HGS: variants seen among roughly 807,000 people sequenced by gnomAD.
The protein encoded by HGS is human growth factor-regulated tyrosine kinase substrate.
HGS carries 63 observed loss-of-function variants against 109.7 expected under a neutral mutation model. The observed-to-expected ratio is 0.57, with a 90% CI of 0.47 to 0.71. The LOEUF is 0.71. HGS is among the 30% of genes least tolerant of loss of function. The probability of loss-of-function intolerance (pLI) is 0.00; values close to 1 mark genes in which losing one functional copy is unlikely to be tolerated. For missense variants in HGS, 995 were observed against 1,068.3 expected (o/e 0.93, Z 0.96); for synonymous variants, 546 against 437.3 (o/e 1.25, Z -3.10).
rs1345030290 is a variant in HGS, at chr17:81,691,259, G to A, written c.538-188G>A. 2.4e-5 allele frequency: 16 copies of A among 655,258 alleles called. No homozygotes were observed. The highest frequency in any genetic ancestry group is 9.4e-5 in the South Asian group (5 of 53,464). The allele number at this position is 655,258 out of a possible 1,614,324, so 40.6% of individuals were successfully genotyped here. The stretch of plus-strand genomic sequence containing the variant: ...TATTTTCCCCAAAACGGTGGCTGGC[G>A]TTGAGACTCCCGGGAGCATGTCCAG... On this transcript the variant is annotated intron_variant, in intron 7 of 21. Coordinates refer to ENST00000329138, the MANE Select transcript of HGS (RefSeq NM_004712.5). This position sits in a 1 kb window ranked among gnomAD's most constrained non-coding sequence, Gnocchi z 5.3.
At chr17:81,685,203 G>A (rs2036956628) in intron 1 of HGS, 2 of 357,992 alleles carry the variant, frequency 5.6e-6, no homozygotes, top group South Asian at 1.1e-4. Context: ...TTGAAACCGG[G>A]AGCATCTGGG....
Position 81,695,778 on chromosome 17 carries a change from GC to G in HGS, c.1180-6del, listed in dbSNP as rs753970065. 128 of 1,612,972 alleles carry G rather than the reference GC, an allele frequency of 7.9e-5. No homozygotes were observed. The highest frequency in any genetic ancestry group is 1.1e-4 in the Non-Finnish European group (124 of 1,179,972). The stretch of plus-strand genomic sequence containing the variant: ...CCGCACTCATCCAGAACCCTGCTCT[GC>G]CTGCAGCCACAGTTCCACAATGGCG... On this transcript the variant is annotated splice_polypyrimidine_tract_variant and splice_region_variant and intron_variant, in intron 14 of 21. Transcript: ENST00000329138.
At chr17:81,692,834 A>C (rs910426851) in intron 8 of HGS, 1 of 151,966 alleles carries the variant, frequency 6.6e-6, no homozygotes, top group Non-Finnish European at 1.5e-5. Flanking sequence ...AGTATTTTAT[A>C]CTTAAAATTT....
chr17:81,688,482 G>A (rs779292967), intron 4 of HGS, among the ~76,000 whole-genome samples: 1 of 152,212 alleles, frequency 6.6e-6, no homozygotes, highest in Non-Finnish European at 1.5e-5. Context: ...ACAGAGACGC[G>A]GCGTTGTTTG....
chr17:81,687,216 C>T (rs948579695), intron 4 of HGS, 121 bp downstream of exon 4: 22 of 703,876 alleles, frequency 3.1e-5, no homozygotes, highest in African/African-American at 1.0e-4. Flanking sequence ...AGGTGCAGAT[C>T]GGTGGTCCCT....
chr17:81,695,175 G>A lies in HGS; in HGVS notation c.1131G>A (p.Pro377=), dbSNP rs2037125918. The A allele has an allele frequency of 6.8e-6, 11 of 1,614,172 alleles. No individual in the cohort carries two copies. The highest frequency in any genetic ancestry group is 2.2e-5 in the East Asian group (1 of 44,884). ...APTNVVENPL[P]ETDSQPIPPS... ...TCTCTCTCTTCCAGAACCCCCTCCC[G>A]GAGACAGACTCTCAGCCCATTCCTC... Residue 377 remains proline (P), a synonymous_variant, in exon 14 of 22, where the codon CCG becomes CCA. Coordinates refer to ENST00000329138, the MANE Select transcript of HGS (RefSeq NM_004712.5).
intron 20 of HGS, 65 bp downstream of exon 20, chr17:81,700,879 C>A: frequency 6.3e-7 from 1 of 1,581,782 alleles, no homozygotes; most frequent in Non-Finnish European, 8.6e-7. Context: ...GCTGAGGGTC[C>A]TTTGGTGAGG....
intron 15 of HGS, 72 bp downstream of exon 15, chr17:81,696,071 C>G (rs953751959): frequency 5.2e-6 from 7 of 1,339,864 alleles, no homozygotes; most frequent in South Asian, 1.4e-5. Flanking sequence ...GGGCCAGGGC[C>G]TCCCCTGAGG....
chr17:81,694,886 G>A, intron 12 of HGS, 33 bp downstream of exon 12: 4 of 1,614,248 alleles, frequency 2.5e-6, no homozygotes, highest in Non-Finnish European at 3.4e-6. Flanking sequence ...TCCTCTCACG[G>A]TTTCTGGCCT....
intron 18 of HGS, chr17:81,697,224 G>T (rs889103186): frequency 4.0e-6 from 2 of 495,204 alleles, no homozygotes; most frequent in Admixed American, 7.2e-5. Flanking sequence ...CCCTGAATGC[G>T]ACAGCGAGCA....
In HGS at chr17:81,690,721, G is replaced by T. The variant is rs770753093; in HGVS notation, c.516G>T (p.Gln172His). ...AGGAATGCCACCGCTGCAGGGTGCA[G>T]TTCGGGGTGATGACCCGTAAGGTGA... Reference protein sequence around the residue: ...DAEECHRCRVQFGVMTRKHHC... With the variant: ...DAEECHRCRVHFGVMTRKHHC... Residue 172 changes from glutamine to histidine, a missense_variant, in exon 7 of 22, where the codon CAG (glutamine) becomes CAT (histidine). Transcript: ENST00000329138. The T allele has an allele frequency of 6.2e-7, 1 of 1,613,226 alleles. No individual in the cohort carries two copies. The highest frequency in any genetic ancestry group is 8.5e-7 in the Non-Finnish European group (1 of 1,179,792).
intron 5 of HGS, among the ~76,000 whole-genome samples, chr17:81,689,080 A>G (rs2037026232): frequency 6.6e-6 from 1 of 152,250 alleles, no homozygotes; most frequent in South Asian, 2.1e-4. Flanking sequence ...AAAAGGCAGC[A>G]GACAGCCTGT....
Position 81,691,578 on chromosome 17 carries a change from C to A in HGS, c.662+7C>A. The A allele has an allele frequency of 6.2e-7, 1 of 1,613,750 alleles. No homozygotes were observed. The highest frequency in any genetic ancestry group is 1.1e-5 in the South Asian group (1 of 91,066). On this transcript the variant is annotated splice_region_variant and intron_variant, in intron 8 of 21. Transcript: ENST00000329138. This position sits in a 1 kb window ranked among gnomAD's most constrained non-coding sequence, Gnocchi z 5.3. ...GCTACGAGCAGCTGAACAGGTGAGT[C>A]CCCGCCCCCCATTTGGGCTGCAGGT... is the stretch of plus-strand genomic sequence containing the variant.
Position 81,693,716 on chromosome 17 carries a change from G to A in HGS, c.804G>A (p.Ala268=), listed in dbSNP as rs779675545. ...QEEEELQLAL[A]LSQSEAEEKE... ...AGGAGGAGCTGCAGCTGGCCCTGGC[G>A]CTGTCACAGTCAGAGGCGGAGGAGA... is the stretch of plus-strand genomic sequence containing the variant. Residue 268 remains alanine, a synonymous_variant, in exon 10 of 22, where the codon GCG becomes GCA. Coordinates refer to ENST00000329138, the MANE Select transcript of HGS (RefSeq NM_004712.5). 1.2e-5 allele frequency: 18 copies of A among 1,558,308 alleles called. No homozygotes were observed. The highest frequency in any genetic ancestry group is 1.8e-4 in the Middle Eastern group (1 of 5,654).
rs751829825 is a variant in HGS, at chr17:81,684,143, C to T, written c.37+40C>T. On this transcript the variant is annotated intron_variant, in intron 1 of 21. Coordinates refer to ENST00000329138, the MANE Select transcript of HGS (RefSeq NM_004712.5). ...CCCGACGGCTCGGCCTTGGTCAGCC[C>T]GCAGCCTCCGCCCGGCGCTGAGTCA... 11 of 1,482,302 alleles carry T rather than the reference C, an allele frequency of 7.4e-6. No individual in the cohort carries two copies. The African/African-American group carries it at 1.6e-4, about 22-fold the overall frequency. The allele number at this position is 1,482,302 out of a possible 1,614,324, so 91.8% of individuals were successfully genotyped here.
At position 81,696,666 on chromosome 17, in the gene HGS, G is replaced by A; in HGVS notation, c.1626G>A (p.Glu542=). 1 of 1,612,088 alleles carries A rather than the reference G, an allele frequency of 6.2e-7. No homozygotes were observed. Among genetic ancestry groups the A allele is most frequent in the Non-Finnish European group, 8.5e-7 (1 of 1,179,680 alleles). Residue 542 remains glutamate, a synonymous_variant, in exon 17 of 22, where the codon GAG becomes GAA. Coordinates refer to ENST00000329138, the MANE Select transcript of HGS (RefSeq NM_004712.5). ...AIQRLQEQEK[E]RQMRLEQQKQ... ...AGCGCCTGCAGGAGCAGGAGAAGGA[G>A]CGGCAGATGCGGCTGGAGCAGCAGA...
intron 1 of HGS, 66 bp downstream of exon 1, chr17:81,684,169 G>C: frequency 5.8e-6 from 8 of 1,369,250 alleles, no homozygotes; most frequent in Non-Finnish European, 7.6e-6. Flanking sequence ...CGCTGAGTCA[G>C]CGCGGCCCCG....
At chr17:81,687,319 G>T (rs1156948695) in intron 4 of HGS, among the ~76,000 whole-genome samples, 2 of 152,234 alleles carry the variant, frequency 1.3e-5, no homozygotes, top group Admixed American at 6.5e-5. Flanking sequence ...GGCCTGGGGT[G>T]CTGTGTCTGG....
In HGS at chr17:81,691,385, G is replaced by T; in HGVS notation, c.538-62G>T. 1 of 1,605,182 alleles carries T rather than the reference G, an allele frequency of 6.2e-7. No individual in the cohort carries two copies. ...TCGGCATCGTACGGGGTGGTTCTGGGCCGGGTGGCGCATCAGGGTCCCCCA... is the reference window on the plus strand; with the variant it reads ...TCGGCATCGTACGGGGTGGTTCTGGTCCGGGTGGCGCATCAGGGTCCCCCA... On this transcript the variant is annotated intron_variant, in intron 7 of 21. Transcript: ENST00000329138. This position sits in a 1 kb window ranked among gnomAD's most constrained non-coding sequence, Gnocchi z 5.3.
Sources: allele counts gnomAD v4.1 joint callset (sites outside exome capture counted in the v4.1 genomes callset), GRCh38; gene constraint gnomAD v4.1.1; non-coding constraint Gnocchi (gnomAD v3.1); transcripts MANE v1.5; gene names NCBI Gene and HGNC (gene_info 2026-07-23, HGNC 2026-07-21).